DCAF5: variants seen among roughly 807,000 people sequenced by gnomAD.
DCAF5 encodes DDB1- and CUL4-associated factor 5.
Under a neutral mutation model 80.7 loss-of-function variants are expected in DCAF5, and 9 were observed. The observed-to-expected ratio is 0.11, with a 90% CI of 0.07 to 0.19. DCAF5 has a LOEUF of 0.19. Among genes scored for constraint, DCAF5 ranks in the 10% least tolerant of loss-of-function variants. The pLI is 1.00. For missense variants in DCAF5, 842 were observed against 1,205.7 expected (o/e 0.70, Z 4.47); for synonymous variants, 433 against 461.9 (o/e 0.94, Z 0.80).
chr14:69,118,005 C>T lies in DCAF5; in HGVS notation c.535+134G>A. On this transcript the variant is annotated intron_variant, in intron 4 of 8. Transcript: ENST00000341516. The surrounding 1 kb of genome is among the most constrained non-coding windows in gnomAD (Gnocchi z 4.0). ...GGCCTCCAAAGACCTCTTATGCCCC[C>T]ATGTGAGTGTTTCACATTTCCTTTC... 1 of 1,265,844 alleles carries T rather than the reference C, an allele frequency of 7.9e-7. No homozygotes were observed. The highest frequency in any genetic ancestry group is 1.1e-6 in the Non-Finnish European group (1 of 890,122). The allele number at this position is 1,265,844 out of a possible 1,614,324, so 78.4% of individuals were successfully genotyped here. A position where few individuals can be genotyped will look rare whatever the true frequency, so the allele number is the denominator to read the frequency against.
At chr14:69,067,167 A>G (rs542196725) in intron 7 of DCAF5, among the ~76,000 whole-genome samples, 13 of 152,306 alleles carry the variant, frequency 8.5e-5, no homozygotes, top group African/African-American at 2.4e-4. Context: ...AGTCTCTAGA[A>G]CTGTGCCTAG....
intron 1 of DCAF5, among the ~76,000 whole-genome samples, chr14:69,136,871 A>G (rs1004762002): frequency 1.3e-5 from 2 of 152,184 alleles, no homozygotes; most frequent in African/African-American, 4.8e-5. Context: ...TATGCAACGA[A>G]ATATGAAAAA....
At chr14:69,108,786 A>G (rs963703567) in intron 5 of DCAF5, among the ~76,000 whole-genome samples, 14 of 152,160 alleles carry the variant, frequency 9.2e-5, no homozygotes, top group African/African-American at 3.1e-4. Context: ...TAGCTTAATA[A>G]CCAGAAGGCA....
intron 1 of DCAF5, among the ~76,000 whole-genome samples, chr14:69,137,809 C>T (rs2041240901): frequency 6.6e-6 from 1 of 152,194 alleles, no homozygotes; most frequent in South Asian, 2.1e-4. Flanking sequence ...GAGACAGAGA[C>T]CACATTCACA....
intron 5 of DCAF5, 110 bp downstream of exon 5, chr14:69,116,256 C>A: frequency 7.6e-7 from 1 of 1,315,894 alleles, no homozygotes; most frequent in Non-Finnish European, 1.0e-6. Flanking sequence ...TAAGAAATGC[C>A]CAGCAGAGAT....
Position 69,054,801 on chromosome 14 carries a change from G to A in DCAF5, c.1885C>T (p.Pro629Ser), listed in dbSNP as rs2037890794. The change falls in exon 9 of 9, where the codon CCA becomes TCA. Residue 629 changes from proline to serine, a missense_variant. Pro to Ser is a moderately conservative substitution (Grantham distance 74). Around this residue, in one of 5 missense-constraint regions of DCAF5, gnomAD observed 607 missense variants for 656.6 expected, o/e 0.92. Transcript: ENST00000341516. The part of the protein sequence containing the change: ...QIKVDDLSSS[P>S]TSSPERSTST... The stretch of plus-strand genomic sequence containing the variant: ...GTGCTCCGCTCAGGGGACGAGGTTG[G>A]GGAGGAGGAGAGGTCATCCACTTTG... The A allele has an allele frequency of 1.2e-6, 2 of 1,614,136 alleles. No homozygotes were observed. The highest frequency in any genetic ancestry group is 3.3e-5 in the Admixed American group (2 of 60,010).
intron 6 of DCAF5, among the ~76,000 whole-genome samples, chr14:69,085,611 A>C (rs1192595152): frequency 6.6e-6 from 1 of 152,234 alleles, no homozygotes; most frequent in Non-Finnish European, 1.5e-5. Flanking sequence ...GGGCAAAGTA[A>C]GGAATATCTC....
chr14:69,086,605 C>A, intron 6 of DCAF5, among the ~76,000 whole-genome samples: 1 of 141,130 alleles, frequency 7.1e-6, no homozygotes, highest in African/African-American at 2.7e-5. Context: ...CTTAATCAGG[C>A]GTGCATGGAG....
chr14:69,111,526 TAA>T (rs2040365749), intron 5 of DCAF5, among the ~76,000 whole-genome samples: 1 of 151,900 alleles, frequency 6.6e-6, no homozygotes, highest in Non-Finnish European at 1.5e-5. Flanking sequence ...TGACAGAAAA[TAA>T]AGAGATTGGA....
intron 7 of DCAF5, among the ~76,000 whole-genome samples, chr14:69,068,527 T>C (rs1402836369): frequency 6.6e-6 from 1 of 151,972 alleles, no homozygotes; most frequent in Non-Finnish European, 1.5e-5. Flanking sequence ...GGAGAAACCC[T>C]GTCTCTACTA....
chr14:69,143,553 C>T lies in DCAF5; in HGVS notation c.214+9212G>A, dbSNP rs1378938797. The stretch of plus-strand genomic sequence containing the variant: ...TTAGCTATTTAAAAAATCTGTTAAA[C>T]TTTTTTTTTTTTTTTTTTTTTTTTT... On this transcript the variant is annotated intron_variant, in intron 1 of 8. Transcript: ENST00000341516. Among the ~76,000 whole-genome samples, 179 of 102,176 alleles carry T rather than the reference C, an allele frequency of 1.8e-3. 1 individual carries two copies. Among genetic ancestry groups the T allele is most frequent in the Non-Finnish European group, 2.5e-3 (135 of 53,780 alleles). The allele number at this position is 102,176 out of a possible 152,430, so 67.0% of individuals were successfully genotyped here. A position where few individuals can be genotyped will look rare whatever the true frequency, so the allele number is the denominator to read the frequency against.
At chr14:69,115,273 G>A (rs1292582998) in intron 5 of DCAF5, among the ~76,000 whole-genome samples, 4 of 152,166 alleles carry the variant, frequency 2.6e-5, no homozygotes, top group Non-Finnish European at 5.9e-5. Context: ...AGAAATCTCT[G>A]CTGCCCTGAG....
chr14:69,085,550 C>G (rs2039284266), intron 6 of DCAF5, among the ~76,000 whole-genome samples: 1 of 152,146 alleles, frequency 6.6e-6, no homozygotes, highest in Admixed American at 6.5e-5. Flanking sequence ...TCTATCAAGT[C>G]TCTCTTATTT....
intron 7 of DCAF5, among the ~76,000 whole-genome samples, chr14:69,066,946 G>C (rs2038466716): frequency 6.6e-6 from 1 of 152,218 alleles, no homozygotes; most frequent in African/African-American, 2.4e-5. Context: ...ATGTGGTCAA[G>C]ATTTCTTGAT....
At chr14:69,141,102 C>A (rs755924850) in intron 1 of DCAF5, among the ~76,000 whole-genome samples, 29 of 146,368 alleles carry the variant, frequency 2.0e-4, no homozygotes, top group Non-Finnish European at 2.8e-4. Context: ...CCACTGCACT[C>A]CAGCCTGGGC....
Position 69,053,888 on chromosome 14 carries a change from T to C in DCAF5, c.2798A>G (p.Asn933Ser). Reference sequence around the variant, plus strand: ...TTTTAATTTCTTCTCTGAGGAGGAATTCTCTGAATCTGTATCTTCCAATTC... The same window carrying C: ...TTTTAATTTCTTCTCTGAGGAGGAACTCTCTGAATCTGTATCTTCCAATTC... ...RIELEDTDSE[N>S]SSSEKKLKT is the part of the protein sequence containing the mutation. The change falls in exon 9 of 9, where the codon AAT becomes AGT. Residue 933 changes from asparagine to serine, a missense_variant. Around this residue, in one of 5 missense-constraint regions of DCAF5, gnomAD observed 607 missense variants for 656.6 expected, o/e 0.92. Transcript: ENST00000341516. The C allele has an allele frequency of 6.2e-7, 1 of 1,609,410 alleles. No individual in the cohort carries two copies. The highest frequency in any genetic ancestry group is 8.5e-7 in the Non-Finnish European group (1 of 1,179,100).
intron 6 of DCAF5, chr14:69,089,923 GGGAAACCAT>G: frequency 1.0e-6 from 1 of 985,176 alleles, no homozygotes; most frequent in Non-Finnish European, 1.2e-6. Flanking sequence ...TGATAAGGAT[GGGAAACCAT>G]GGTCTAGGTG....
chr14:69,150,142 T>A (rs1441161998), intron 1 of DCAF5, among the ~76,000 whole-genome samples: 4 of 152,198 alleles, frequency 2.6e-5, no homozygotes, highest in Non-Finnish European at 5.9e-5. Flanking sequence ...AGGTGTATCT[T>A]AGCCAAAATG....
chr14:69,122,183 A>G (rs2040743577), intron 2 of DCAF5, 34 bp downstream of exon 2: 1 of 1,598,462 alleles, frequency 6.3e-7, no homozygotes, highest in Non-Finnish European at 8.6e-7. Context: ...TCCCAACCAC[A>G]GTGACGTTCC....
Sources: gnomAD v4.1 joint callset for allele counts (sites outside exome capture counted in the v4.1 genomes callset) on GRCh38, gnomAD v4.1.1 for gene constraint, gnomAD v4.1.1 regional missense constraint, Gnocchi (gnomAD v3.1) non-coding constraint, MANE v1.5 for transcripts, NCBI Gene and HGNC (gene_info 2026-07-23, HGNC 2026-07-21) for gene names.